CDH12: variants seen among roughly 807,000 people sequenced by gnomAD.
The protein encoded by CDH12 is cadherin-12.
CDH12 carries 41 observed loss-of-function variants against 74.1 expected under a neutral mutation model. The ratio of observed to expected loss-of-function variants is 0.55; its 90% CI spans 0.43 to 0.72. The LOEUF is 0.72. Ranked by LOEUF, CDH12 falls within the 30% of genes least tolerant of loss-of-function variation. The pLI is 0.00. For synonymous variants in CDH12, 399 were observed against 355.0 expected (o/e 1.12, Z -1.39); for missense variants, 945 against 977.2 (o/e 0.97, Z 0.44).
intron 1 of CDH12, among the ~76,000 whole-genome samples, chr5:22,810,934 C>CTTACATATAT (rs1561047771): frequency 5.3e-5 from 8 of 150,000 alleles, no homozygotes; most frequent in African/African-American, 2.0e-4. Flanking sequence ...TGTGTGTATA[C>CTTACATATAT]ACATATATAC....
At position 22,763,954 on chromosome 5, in the gene CDH12, A is replaced by T. The variant is rs149382970; in HGVS notation, c.-523+89104T>A. ...GCTAAAGTATAAAATATTTTATATC[A>T]GTTTCCTTGAGGCTCTCTTTGGCTT... On this transcript the variant is annotated intron_variant, in intron 1 of 14. Coordinates refer to ENST00000382254, the MANE Select transcript of CDH12 (RefSeq NM_004061.5). Among the ~76,000 whole-genome samples, 761 of 152,040 alleles carry T rather than the reference A, an allele frequency of 5.0e-3. 6 individuals are homozygous for T. Among genetic ancestry groups the T allele is most frequent in the African/African-American group, 0.017 (719 of 41,550 alleles).
intron 1 of CDH12, among the ~76,000 whole-genome samples, chr5:22,605,704 AG>A (rs1299363296): frequency 1.3e-5 from 2 of 152,236 alleles, no homozygotes; most frequent in African/African-American, 4.8e-5. Flanking sequence ...TTGCCTGTGT[AG>A]GGGAAAGTCA....
intron 6 of CDH12, among the ~76,000 whole-genome samples, chr5:21,866,441 T>C (rs1328292771): frequency 6.6e-6 from 1 of 152,144 alleles, no homozygotes; most frequent in Non-Finnish European, 1.5e-5. Flanking sequence ...GCTGAGGTGG[T>C]CTCAGATGGA....
chr5:22,228,972 T>C (rs1188802209), intron 3 of CDH12, among the ~76,000 whole-genome samples: 1 of 152,100 alleles, frequency 6.6e-6, no homozygotes, highest in African/African-American at 2.4e-5. Context: ...AAGGTGTTGT[T>C]AATAATTACA....
intron 1 of CDH12, among the ~76,000 whole-genome samples, chr5:22,640,840 GTCACTAT>G (rs1398533749): frequency 1.3e-5 from 2 of 151,904 alleles, no homozygotes; most frequent in African/African-American, 4.8e-5. Flanking sequence ...TTATTCTCTG[GTCACTAT>G]TCATACGATT....
intron 1 of CDH12, among the ~76,000 whole-genome samples, chr5:22,787,390 A>T (rs1255489686): frequency 6.6e-6 from 1 of 152,134 alleles, no homozygotes; most frequent in East Asian, 1.9e-4. Context: ...CCAAGAAGTC[A>T]TCCTAATTTT....
intron 5 of CDH12, among the ~76,000 whole-genome samples, chr5:22,017,910 C>A (rs1418271793): frequency 6.6e-6 from 1 of 151,908 alleles, no homozygotes; most frequent in Non-Finnish European, 1.5e-5. Context: ...AAGACATGCA[C>A]CACCATGCCT....
intron 3 of CDH12, among the ~76,000 whole-genome samples, chr5:22,317,794 C>T (rs555564211): frequency 6.6e-6 from 1 of 152,050 alleles, no homozygotes; most frequent in Non-Finnish European, 1.5e-5. Flanking sequence ...TGTCTTGATG[C>T]CAAGTGACAT....
At chr5:22,452,880 C>CAA (rs768945480) in intron 2 of CDH12, among the ~76,000 whole-genome samples, 2,075 of 32,052 alleles carry the variant, frequency 0.065, 50 homozygotes, top group Admixed American at 0.078. Context: ...AACCTAAGAG[C>CAA]AAAAAAAAAA....
intron 1 of CDH12, among the ~76,000 whole-genome samples, chr5:22,584,263 C>T (rs572102286): frequency 1.3e-4 from 20 of 152,134 alleles, no homozygotes; most frequent in African/African-American, 4.8e-4. Flanking sequence ...TCACACCCAG[C>T]TAACTTTTGT....
At chr5:22,587,928 A>T (rs1740493158) in intron 1 of CDH12, among the ~76,000 whole-genome samples, 1 of 148,310 alleles carries the variant, frequency 6.7e-6, no homozygotes, top group Non-Finnish European at 1.5e-5. Flanking sequence ...ATATATATAG[A>T]TTTATATATA....
chr5:22,495,688 C>T (rs532605025), intron 2 of CDH12, among the ~76,000 whole-genome samples: 20 of 152,042 alleles, frequency 1.3e-4, no homozygotes, highest in Non-Finnish European at 2.5e-4. Context: ...TAATTCACAG[C>T]GCAAAAAACA....
At chr5:22,027,342 G>T (rs980261839) in intron 5 of CDH12, among the ~76,000 whole-genome samples, 3 of 152,164 alleles carry the variant, frequency 2.0e-5, no homozygotes, top group African/African-American at 4.8e-5. Context: ...ATGAGTTAGG[G>T]AGGATTCCCT....
chr5:21,821,967 C>T (rs566527052), intron 8 of CDH12, among the ~76,000 whole-genome samples: 10 of 151,708 alleles, frequency 6.6e-5, no homozygotes, highest in Admixed American at 2.0e-4. Flanking sequence ...TTAAACAACA[C>T]GAAAAGGAAA....
At chr5:22,589,091 C>A (rs919160566) in intron 1 of CDH12, among the ~76,000 whole-genome samples, 10 of 152,012 alleles carry the variant, frequency 6.6e-5, no homozygotes, top group African/African-American at 2.4e-4. Context: ...CTTGGCTGTT[C>A]CCAATATGGG....
In CDH12 at chr5:22,432,906, G is replaced by A. The variant is rs528274214; in HGVS notation, c.-427-27555C>T. On this transcript the variant is annotated intron_variant, in intron 2 of 14. Coordinates refer to ENST00000382254, the MANE Select transcript of CDH12 (RefSeq NM_004061.5). ...ATTTATAACCTGGGATCTGTGGACG[G>A]CCAGAGTCAGTTGATTGAGCATTAG... Among the ~76,000 whole-genome samples the A allele has an allele frequency of 3.9e-5, 6 of 152,156 alleles. No individual in the cohort carries two copies. The South Asian group carries it at 8.3e-4, about 21-fold the overall frequency.
chr5:22,506,993 G>A (rs1736412196), intron 1 of CDH12, among the ~76,000 whole-genome samples: 1 of 152,018 alleles, frequency 6.6e-6, no homozygotes, highest in South Asian at 2.1e-4. Flanking sequence ...TATATCAAGA[G>A]TGATTCTTAT....
At chr5:21,801,704 G>GA (rs1161283163) in intron 10 of CDH12, among the ~76,000 whole-genome samples, 1 of 152,106 alleles carries the variant, frequency 6.6e-6, no homozygotes, top group Non-Finnish European at 1.5e-5. Flanking sequence ...TGTTACACTG[G>GA]AAAAAATGAC....
chr5:22,652,368 C>T (rs1739789197), intron 1 of CDH12, among the ~76,000 whole-genome samples: 2 of 152,090 alleles, frequency 1.3e-5, no homozygotes, highest in African/African-American at 4.8e-5. Context: ...CTGTAGCCCT[C>T]TGTTATCAAG....
Sources: allele counts gnomAD v4.1 joint callset (sites outside exome capture counted in the v4.1 genomes callset), GRCh38; gene constraint gnomAD v4.1.1; transcripts MANE v1.5; gene names NCBI Gene and HGNC (gene_info 2026-07-23, HGNC 2026-07-21).